Variants in RBBP4 observed in about 807,000 individuals in gnomAD.
The protein encoded by RBBP4 is RB binding protein 4, chromatin remodeling factor, also known as histone-binding protein RBBP4.
In RBBP4, 3 loss-of-function variants were observed where a neutral mutation model predicts 57.2. The ratio of observed to expected loss-of-function variants is 0.05; its 90% CI spans 0.02 to 0.14. The LOEUF (loss-of-function observed/expected upper bound fraction) is 0.14. Among genes scored for constraint, RBBP4 ranks in the 10% least tolerant of loss-of-function variants. The pLI, the probability that RBBP4 is intolerant of heterozygous loss-of-function variation, is 1.00. For synonymous variants in RBBP4, 151 were observed against 171.5 expected, an observed-to-expected ratio of 0.88 and a Z score of 0.93; for missense variants, 107 against 520.6, an observed-to-expected ratio of 0.21 and a Z score of 7.73.
intron 3 of RBBP4, among the ~76,000 whole-genome samples, chr1:32,663,616 G>T (rs958320210): frequency 6.6e-6 from 1 of 150,546 alleles, no homozygotes; most frequent in Non-Finnish European, 1.5e-5. Flanking sequence ...TCGCTTTATC[G>T]CCCAGGCTGG....
At chr1:32,675,033 G>A (rs182710932) in intron 11 of RBBP4, among the ~76,000 whole-genome samples, 59 of 151,558 alleles carry the variant, frequency 3.9e-4, no homozygotes, top group Middle Eastern at 3.4e-3. Context: ...CACCGTGCCC[G>A]GCATTTTTAT....
Position 32,654,946 on chromosome 1 carries a change from C to T in RBBP4, c.165-2481C>T, listed in dbSNP as rs148321759. 1.7e-3 allele frequency among the ~76,000 whole-genome samples: 254 copies of T among 152,252 alleles called. 3 individuals carry two copies. The East Asian group carries it at 0.034, about 20-fold the overall frequency. ...CTGACCTCAGGTAATCCACCCGCTT[C>T]GGCCTCCCAAAGTGCTGGGATTACA... On this transcript the variant is annotated intron_variant, in intron 2 of 11. Transcript: ENST00000373493.
Position 32,684,603 on chromosome 1 carries a change from G to A in RBBP4, c.*4898G>A. ...TGATGACGAAAAAGGCATCTTGTCT[G>A]TTAACCACAGCTTGCTTTAATAGAA... On this transcript the variant is annotated 3_prime_UTR_variant, in exon 12 of 12. Transcript: ENST00000373493. The A allele has an allele frequency of 1.8e-6, 1 of 566,608 alleles. No individual in the cohort carries two copies. The highest frequency in any genetic ancestry group is 3.0e-6 in the Non-Finnish European group (1 of 332,790). The allele number at this position is 566,608 out of a possible 1,614,324, so 35.1% of individuals were successfully genotyped here.
At position 32,678,527 on chromosome 1, in the gene RBBP4, T is replaced by A. The variant is rs1468177375; in HGVS notation, c.1213-1113T>A. On this transcript the variant is annotated intron_variant, in intron 11 of 11. Transcript: ENST00000373493. ...CAGGCGTGTGCCACCACACCTGGCC[T>A]GGACACCTTATATAAATAAAATCCT... Among the ~76,000 whole-genome samples, 4 of 139,910 alleles carry A rather than the reference T, an allele frequency of 2.9e-5. No homozygotes were observed. The East Asian group carries it at 9.4e-4, about 33-fold the overall frequency. The allele number at this position is 139,910 out of a possible 152,430, so 91.8% of individuals were successfully genotyped here. A position where few individuals can be genotyped will look rare whatever the true frequency, so the allele number is the denominator to read the frequency against.
intron 1 of RBBP4, 130 bp downstream of exon 1, chr1:32,651,452 G>A: frequency 7.3e-7 from 1 of 1,366,264 alleles, no homozygotes; most frequent in Non-Finnish European, 9.5e-7. Flanking sequence ...GCGTGAAGAG[G>A]GAACTCCCCG....
At chr1:32,671,974 T>G (rs1395534792) in intron 8 of RBBP4, among the ~76,000 whole-genome samples, 1 of 152,026 alleles carries the variant, frequency 6.6e-6, no homozygotes, top group Non-Finnish European at 1.5e-5. Flanking sequence ...AGTAATGGGT[T>G]GTTTTTGTAA....
At chr1:32,676,605 T>TC (rs1211125307) in intron 11 of RBBP4, among the ~76,000 whole-genome samples, 7 of 87,252 alleles carry the variant, frequency 8.0e-5, no homozygotes, top group African/African-American at 2.3e-4. Context: ...AGAGCAAAAC[T>TC]CCATCTCAAA....
intron 3 of RBBP4, among the ~76,000 whole-genome samples, chr1:32,666,337 T>C (rs1162642281): frequency 6.7e-6 from 1 of 149,798 alleles, no homozygotes; most frequent in African/African-American, 2.4e-5. Flanking sequence ...GCATACTTAT[T>C]TACACTTTGA....
chr1:32,672,346 T>A (rs1279206372), intron 8 of RBBP4, 104 bp from the exon 9 acceptor site: 8 of 900,836 alleles, frequency 8.9e-6, no homozygotes, highest in Non-Finnish European at 1.2e-5. Flanking sequence ...TGACTTCCTC[T>A]TCCCTTTTAT....
intron 11 of RBBP4, among the ~76,000 whole-genome samples, chr1:32,675,207 A>AT (rs1383191359): frequency 2.1e-5 from 3 of 144,984 alleles, no homozygotes; most frequent in East Asian, 2.1e-4. Flanking sequence ...AATTTTTGTA[A>AT]TTTTTTTTAG....
chr1:32,663,582 AT>A (rs11417558), intron 3 of RBBP4, among the ~76,000 whole-genome samples: 6 of 147,256 alleles, frequency 4.1e-5, no homozygotes, highest in Admixed American at 6.8e-5. Flanking sequence ...CCCCTGAAAT[AT>A]TTTTTTTTTT....
chr1:32,669,097 G>A lies in RBBP4; in HGVS notation c.726G>A (p.Leu242=), dbSNP rs747712240. Residue 242 remains leucine, a synonymous_variant, in exon 6 of 12, where the codon CTG becomes CTA. Coordinates refer to ENST00000373493, the MANE Select transcript of RBBP4 (RefSeq NM_005610.3). This position sits in a 1 kb window ranked among gnomAD's most constrained non-coding sequence, Gnocchi z 4.9. ...DVSWHLLHES[L]FGSVADDQKL... Reference sequence around the variant, plus strand: ...CCTGGCATCTACTCCATGAGTCTCTGTTTGGGTCAGTTGCTGATGATCAGA... The same window carrying A: ...CCTGGCATCTACTCCATGAGTCTCTATTTGGGTCAGTTGCTGATGATCAGA... 3.7e-6 allele frequency: 6 copies of A among 1,614,190 alleles called. No homozygotes were observed. Among genetic ancestry groups the A allele is most frequent in the Non-Finnish European group, 5.1e-6 (6 of 1,180,034 alleles).
At position 32,681,716 on chromosome 1, in the gene RBBP4, C is replaced by T; in HGVS notation, c.*2011C>T. On this transcript the variant is annotated 3_prime_UTR_variant, in exon 12 of 12. Coordinates refer to ENST00000373493, the MANE Select transcript of RBBP4 (RefSeq NM_005610.3). The stretch of plus-strand genomic sequence containing the variant: ...TAAGCAGGTCAGCCAGTATTTGCAA[C>T]TTCCACAGGATGAATTGCTTGCCAA... 2 of 1,464,064 alleles carry T rather than the reference C, an allele frequency of 1.4e-6. No individual in the cohort carries two copies. Among genetic ancestry groups the T allele is most frequent in the Non-Finnish European group, 1.9e-6 (2 of 1,052,740 alleles). 90.7% of individuals were successfully genotyped at this position (1,464,064 alleles called of 1,614,324 possible).
At chr1:32,655,113 G>T (rs962296329) in intron 2 of RBBP4, among the ~76,000 whole-genome samples, 2 of 152,032 alleles carry the variant, frequency 1.3e-5, no homozygotes, top group African/African-American at 4.8e-5. Context: ...CTCAGCCTCT[G>T]GAATAGTTGG....
chr1:32,685,110 A>G lies in RBBP4; in HGVS notation c.*5405A>G, dbSNP rs1300631125. 2.0e-5 allele frequency: 3 copies of G among 152,212 alleles called. No homozygotes were observed. The highest frequency in any genetic ancestry group is 4.4e-5 in the Non-Finnish European group (3 of 68,070). The allele number at this position is 152,212 out of a possible 1,614,324, so 9.4% of individuals were successfully genotyped here. ...AGCAGTCCTCCCGCCTCGGTCTCCC[A>G]AAGTGCTGGGATTACAGGTGTGAGC... On this transcript the variant is annotated 3_prime_UTR_variant, in exon 12 of 12. Coordinates refer to ENST00000373493, the MANE Select transcript of RBBP4 (RefSeq NM_005610.3).
chr1:32,678,004 A>C (rs1649182832), intron 11 of RBBP4, among the ~76,000 whole-genome samples: 1 of 152,176 alleles, frequency 6.6e-6, no homozygotes, highest in South Asian at 2.1e-4. Context: ...ATACAAGAAC[A>C]GTTTTTCTCT....
At position 32,680,663 on chromosome 1, in the gene RBBP4, G is replaced by GGGGTT; in HGVS notation, c.*958_*959insGGGTT. 1.0e-6 allele frequency: 1 copy of GGGGTT among 960,342 alleles called. No homozygotes were observed. Among genetic ancestry groups the GGGGTT allele is most frequent in the Non-Finnish European group, 1.6e-6 (1 of 637,584 alleles). The allele number at this position is 960,342 out of a possible 1,614,324, so 59.5% of individuals were successfully genotyped here. ...TTGCTTTTCTACATAACCCCATGCT[G>GGGGTT]ATGGGTTTTATTTAGTATAAAACAT... is the stretch of plus-strand genomic sequence containing the variant. On this transcript the variant is annotated 3_prime_UTR_variant, in exon 12 of 12. Coordinates refer to ENST00000373493, the MANE Select transcript of RBBP4 (RefSeq NM_005610.3).
In RBBP4 at chr1:32,682,133, G is replaced by C. The variant is rs768144961; in HGVS notation, c.*2428G>C. On this transcript the variant is annotated 3_prime_UTR_variant, in exon 12 of 12. Coordinates refer to ENST00000373493, the MANE Select transcript of RBBP4 (RefSeq NM_005610.3). ...GTTTCATTTCTTTGGATTAGTCGTTGTCTTTTCCAGATTGTACACAATCTG... is the reference window on the plus strand; with the variant it reads ...GTTTCATTTCTTTGGATTAGTCGTTCTCTTTTCCAGATTGTACACAATCTG... The C allele has an allele frequency of 6.9e-6, 3 of 435,710 alleles. No homozygotes were observed. The highest frequency in any genetic ancestry group is 1.3e-5 in the Non-Finnish European group (3 of 239,664). 27.0% of individuals were successfully genotyped at this position (435,710 alleles called of 1,614,324 possible).
chr1:32,684,043 A>G lies in RBBP4; in HGVS notation c.*4338A>G. The G allele has an allele frequency of 6.2e-7, 1 of 1,614,216 alleles. No homozygotes were observed. The highest frequency in any genetic ancestry group is 8.5e-7 in the Non-Finnish European group (1 of 1,180,048). On this transcript the variant is annotated 3_prime_UTR_variant, in exon 12 of 12. Transcript: ENST00000373493. ...TGTGTCTCCATTCCACCTGCCTGAG[A>G]AGTGGGAGCATCAGCCTGTTCCAGG...
Sources: gnomAD v4.1 joint callset for allele counts (sites outside exome capture counted in the v4.1 genomes callset) on GRCh38, gnomAD v4.1.1 for gene constraint, Gnocchi (gnomAD v3.1) non-coding constraint, MANE v1.5 for transcripts, NCBI Gene and HGNC (gene_info 2026-07-23, HGNC 2026-07-21) for gene names.